The following C6orf52 variants were observed in gnomAD, a reference collection of about 807,000 sequenced individuals.
C6orf52 encodes the protein chromosome 6 open reading frame 52.
C6orf52 carries 16 observed loss-of-function variants against 16.6 expected under a neutral mutation model. The ratio of observed to expected loss-of-function variants is 0.96; its 90% CI spans 0.65 to 1.46. C6orf52 has a LOEUF of 1.46. Among genes scored for constraint, C6orf52 ranks in the 40% most tolerant of loss-of-function variants. The pLI is 0.00. For missense variants in C6orf52, 166 were observed against 182.3 expected (o/e 0.91, Z 0.52); for synonymous variants, 53 against 61.4 (o/e 0.86, Z 0.64).
chr6:10,672,019 C>T (rs1306808899), intron 4 of C6orf52, among the ~76,000 whole-genome samples: 2 of 152,186 alleles, frequency 1.3e-5, no homozygotes, highest in Non-Finnish European at 2.9e-5. Context: ...ACTTTAACTG[C>T]TCAGTTAACA....
At chr6:10,679,025 G>C (rs898744093) in intron 4 of C6orf52, among the ~76,000 whole-genome samples, 2 of 151,996 alleles carry the variant, frequency 1.3e-5, no homozygotes, top group Admixed American at 1.3e-4. Context: ...CCCAAGAGGC[G>C]GAGATTGCAG....
chr6:10,681,271 T>A (rs1279209907), intron 4 of C6orf52, among the ~76,000 whole-genome samples: 3 of 152,194 alleles, frequency 2.0e-5, no homozygotes, highest in Non-Finnish European at 4.4e-5. Flanking sequence ...ATAATTGTCT[T>A]TTATGTTCCT....
At chr6:10,685,773 C>T (rs1322998922) in intron 3 of C6orf52, among the ~76,000 whole-genome samples, 1 of 152,122 alleles carries the variant, frequency 6.6e-6, no homozygotes. Context: ...TAAATGCCTC[C>T]CTGCCCTATT....
intron 4 of C6orf52, chr6:10,672,462 A>G: frequency 1.7e-6 from 1 of 578,768 alleles, no homozygotes; most frequent in Non-Finnish European, 3.1e-6. Context: ...GGGAGGTTAG[A>G]TGAGGTCATA....
At chr6:10,687,412 T>C in intron 2 of C6orf52, 68 bp downstream of exon 2, 1 of 1,201,900 alleles carries the variant, frequency 8.3e-7, no homozygotes. Context: ...GTTTGTAAGT[T>C]ACCAACAGTT....
chr6:10,691,299 T>TC (rs1403729724), intron 1 of C6orf52, among the ~76,000 whole-genome samples: 3 of 152,126 alleles, frequency 2.0e-5, no homozygotes, highest in Non-Finnish European at 2.9e-5. Context: ...GACTCACGTC[T>TC]CCAACAACCA....
chr6:10,672,137 C>T (rs1323979247), intron 4 of C6orf52, among the ~76,000 whole-genome samples: 3 of 152,208 alleles, frequency 2.0e-5, no homozygotes, highest in South Asian at 2.1e-4. Context: ...TATGTTATTG[C>T]GAACGTATTA....
intron 4 of C6orf52, among the ~76,000 whole-genome samples, chr6:10,680,644 C>A (rs1768296231): frequency 6.6e-6 from 1 of 152,134 alleles, no homozygotes; most frequent in Non-Finnish European, 1.5e-5. Flanking sequence ...GTAATTCCAG[C>A]CCTTGGGGAG....
At chr6:10,683,723 C>T (rs934418276) in intron 3 of C6orf52, among the ~76,000 whole-genome samples, 15 of 152,188 alleles carry the variant, frequency 9.9e-5, no homozygotes. Context: ...ATTAGGTGCT[C>T]AAGAAAATGC....
At chr6:10,692,508 T>C (rs1021177406) in intron 1 of C6orf52, among the ~76,000 whole-genome samples, 5 of 152,142 alleles carry the variant, frequency 3.3e-5, no homozygotes, top group Admixed American at 2.0e-4. Context: ...TGGCGGGATC[T>C]CGGCTCACTG....
At position 10,671,592 on chromosome 6, in the gene C6orf52, T is replaced by C; in HGVS notation, c.323A>G (p.His108Arg). 1 of 1,540,936 alleles carries C rather than the reference T, an allele frequency of 6.5e-7. No individual in the cohort carries two copies. Reference protein sequence around the residue: ...NQDEDPLEDPHLHLNIEESNQ... With the variant: ...NQDEDPLEDPRLHLNIEESNQ... ...TGATTCCTCAATATTCAAATGAAGA[T>C]GTGGATCTGCAGAAGCCAATAATGG... The change falls in exon 5 of 5, where the codon CAT becomes CGT. Residue 108 changes from histidine to arginine, a missense_variant. Physicochemically the swap from His to Arg is conservative, Grantham distance 29. Transcript: ENST00000259983.
At chr6:10,672,295 C>T (rs577854212) in intron 4 of C6orf52, among the ~76,000 whole-genome samples, 146 of 152,208 alleles carry the variant, frequency 9.6e-4, no homozygotes, top group Middle Eastern at 3.4e-3. Context: ...TTTTTGCAAG[C>T]CTTAGTTCCT....
chr6:10,694,602 A>AT lies in C6orf52; in HGVS notation c.-121_-120insA. On this transcript the variant is annotated 5_prime_UTR_variant, in exon 1 of 5. In the 5' UTR this introduces an upstream ATG that the reference lacks. Transcript: ENST00000259983. The stretch of plus-strand genomic sequence containing the variant: ...GCTGCCGGCGCTACAGCCCCTAAGC[A>AT]ACCGGCCGGAAGTCGGCCCCACCTC... 2.5e-5 allele frequency: 5 copies of AT among 196,502 alleles called. No individual in the cohort carries two copies. Among genetic ancestry groups the AT allele is most frequent in the South Asian group, 1.4e-4 (2 of 13,820 alleles). The allele number at this position is 196,502 out of a possible 1,614,324, so 12.2% of individuals were successfully genotyped here. A position where few individuals can be genotyped will look rare whatever the true frequency, so the allele number is the denominator to read the frequency against.
At chr6:10,679,733 T>A (rs1160309529) in intron 4 of C6orf52, among the ~76,000 whole-genome samples, 2 of 152,208 alleles carry the variant, frequency 1.3e-5, no homozygotes, top group African/African-American at 4.8e-5. Flanking sequence ...CTGCTCTGGC[T>A]AGACTTCTAA....
intron 4 of C6orf52, among the ~76,000 whole-genome samples, chr6:10,678,266 TATTC>T (rs1167406394): frequency 2.0e-5 from 3 of 151,510 alleles, no homozygotes; most frequent in African/African-American, 7.3e-5. Context: ...ATTTTAATAA[TATTC>T]ATTGTTTTAA....
intron 4 of C6orf52, among the ~76,000 whole-genome samples, chr6:10,677,456 C>CT (rs572571864): frequency 0.035 from 4,742 of 134,390 alleles, 171 homozygotes; most frequent in African/African-American, 0.1. Flanking sequence ...TGCCTTCACC[C>CT]TTTTTTTTTT....
Position 10,694,556 on chromosome 6 carries a change from A to T in C6orf52, c.-74T>A, listed in dbSNP as rs1047135664. Reference sequence around the variant, plus strand: ...GAACAAAAACTCCTACCCTACTAGTACACAGCCCACAACAATGCACGCTGC... The same window carrying T: ...GAACAAAAACTCCTACCCTACTAGTTCACAGCCCACAACAATGCACGCTGC... On this transcript the variant is annotated 5_prime_UTR_variant, in exon 1 of 5. Coordinates refer to ENST00000259983, the MANE Select transcript of C6orf52 (RefSeq NM_001145020.3). 35 of 169,284 alleles carry T rather than the reference A, an allele frequency of 2.1e-4. No individual in the cohort carries two copies. Among genetic ancestry groups the T allele is most frequent in the African/African-American group, 7.2e-4 (30 of 41,690 alleles). The allele number at this position is 169,284 out of a possible 1,614,324, so 10.5% of individuals were successfully genotyped here. A position where few individuals can be genotyped will look rare whatever the true frequency, so the allele number is the denominator to read the frequency against.
At chr6:10,684,939 A>G in intron 3 of C6orf52, 1 of 1,252,360 alleles carries the variant, frequency 8.0e-7, no homozygotes, top group Non-Finnish European at 1.0e-6. Context: ...GCCACAAAAG[A>G]TAACATATTT....
At chr6:10,675,211 G>C (rs1767775426) in intron 4 of C6orf52, among the ~76,000 whole-genome samples, 1 of 152,116 alleles carries the variant, frequency 6.6e-6, no homozygotes, top group Non-Finnish European at 1.5e-5. Context: ...CTAGCCTCTA[G>C]TAACCACCAT....
Sources: allele counts gnomAD v4.1 joint callset (sites outside exome capture counted in the v4.1 genomes callset), GRCh38; gene constraint gnomAD v4.1.1; transcripts MANE v1.5; gene names NCBI Gene and HGNC (gene_info 2026-07-23, HGNC 2026-07-21).